Variants in CFHR4 observed in about 807,000 individuals in gnomAD.
The protein encoded by CFHR4 is complement factor H-related protein 4.
A neutral mutation model predicts 69.3 loss-of-function variants in CFHR4; 64 were observed. The observed-to-expected ratio is 0.92, with a 90% CI of 0.76 to 1.14. CFHR4 has a LOEUF of 1.14. CFHR4 is among the 50% of genes most tolerant of loss of function. The pLI is 0.00. For synonymous variants in CFHR4, 244 were observed against 237.0 expected, an observed-to-expected ratio of 1.03 and a Z score of -0.27; for missense variants, 636 against 684.9, an observed-to-expected ratio of 0.93 and a Z score of 0.80.
chr1:196,918,573 A>C lies in CFHR4; in HGVS notation c.*167A>C. The C allele has an allele frequency of 1.5e-6, 1 of 682,674 alleles. No homozygotes were observed. The highest frequency in any genetic ancestry group is 1.9e-5 in the South Asian group (1 of 53,966). The allele number at this position is 682,674 out of a possible 1,614,324, so 42.3% of individuals were successfully genotyped here. On this transcript the variant is annotated 3_prime_UTR_variant, in exon 10 of 10. Coordinates refer to ENST00000608469, the MANE Select transcript of CFHR4 (RefSeq NM_001201550.3). ...TTAATATGTTCTCAAAAATATGTTAAAACAAACTAAATTATTGCTTATGCT... is the reference window on the plus strand; with the variant it reads ...TTAATATGTTCTCAAAAATATGTTACAACAAACTAAATTATTGCTTATGCT...
chr1:196,907,467 T>C lies in CFHR4; in HGVS notation c.768T>C (p.Asn256=). 6.2e-7 allele frequency: 1 copy of C among 1,612,032 alleles called. No individual in the cohort carries two copies. Among genetic ancestry groups the C allele is most frequent in the Non-Finnish European group, 8.5e-7 (1 of 1,179,056 alleles). ...GTTCTAAATATGTAACATGTAGTAA[T>C]GGAGACTGGTCAGAACCACCAAGAT... is the stretch of plus-strand genomic sequence containing the variant. ...LQGSKYVTCS[N]GDWSEPPRCI... is the part of the protein sequence containing the mutation. Residue 256 remains asparagine, a synonymous_variant, in exon 5 of 10, where the codon AAT becomes AAC. Transcript: ENST00000608469.
At chr1:196,901,059 A>C (rs1306693237) in intron 1 of CFHR4, among the ~76,000 whole-genome samples, 1 of 151,606 alleles carries the variant, frequency 6.6e-6, no homozygotes, top group Non-Finnish European at 1.5e-5. Context: ...GATGTGTTAA[A>C]GACAAATTAT....
At chr1:196,888,377 AAT>A (rs1423504427) in intron 1 of CFHR4, among the ~76,000 whole-genome samples, 169 bp downstream of exon 1, 3 of 150,296 alleles carry the variant, frequency 2.0e-5, no homozygotes, top group African/African-American at 5.0e-5. Flanking sequence ...TTTATGAAAA[AAT>A]ATCTCATAAT....
chr1:196,902,611 C>G lies in CFHR4; in HGVS notation c.252C>G (p.Cys84Trp). The G allele has an allele frequency of 1.2e-6, 2 of 1,605,184 alleles. No homozygotes were observed. Among genetic ancestry groups the G allele is most frequent in the Non-Finnish European group, 8.5e-7 (1 of 1,173,276 alleles). Residue 84 changes from cysteine to tryptophan, a missense_variant, in exon 2 of 10, where the codon TGC becomes TGG. Physicochemically the swap from Cys to Trp is radical, Grantham distance 215. Transcript: ENST00000608469. The part of the protein sequence containing the change: ...TQDGWSPTVP[C>W]LRTCSKSDVE... ...ATGGTTGGTCACCAACGGTCCCATG[C>G]CTCAGTAAGTAAACCTCTTTACAAG...
chr1:196,916,959 T>C (rs978223468), intron 9 of CFHR4, among the ~76,000 whole-genome samples: 6 of 151,536 alleles, frequency 4.0e-5, no homozygotes, highest in African/African-American at 1.2e-4. Flanking sequence ...TGAGGAAAAC[T>C]TTCCCAGGCA....
At chr1:196,891,878 T>G (rs368286302) in intron 1 of CFHR4, among the ~76,000 whole-genome samples, 2 of 151,376 alleles carry the variant, frequency 1.3e-5, no homozygotes, top group Non-Finnish European at 2.9e-5. Context: ...ATCAATAATA[T>G]GTCTCACCTG....
At chr1:196,907,626 T>C (rs1290518698) in intron 5 of CFHR4, 128 bp downstream of exon 5, 7 of 743,288 alleles carry the variant, frequency 9.4e-6, no homozygotes, top group Non-Finnish European at 1.3e-5. Context: ...TGCTGAATAT[T>C]TGCCTTTCAG....
chr1:196,888,055 T>C lies in CFHR4; in HGVS notation c.-96T>C. 1.5e-6 allele frequency: 2 copies of C among 1,331,022 alleles called. No individual in the cohort carries two copies. The highest frequency in any genetic ancestry group is 1.2e-5 in the South Asian group (1 of 83,800). The allele number at this position is 1,331,022 out of a possible 1,614,324, so 82.5% of individuals were successfully genotyped here. A position where few individuals can be genotyped will look rare whatever the true frequency, so the allele number is the denominator to read the frequency against. On this transcript the variant is annotated 5_prime_UTR_variant, in exon 1 of 10. Coordinates refer to ENST00000608469, the MANE Select transcript of CFHR4 (RefSeq NM_001201550.3). ...CTAGCTTTGTGGTAGTGCACTTAAA[T>C]TCAGAATCACACTTGGTAACTAATA...
rs942553032 is a variant in CFHR4 at position 196,909,880 on chromosome 1, G to A, written c.800-401G>A. Among the ~76,000 whole-genome samples the A allele has an allele frequency of 3.3e-4, 50 of 150,898 alleles. 2 individuals carry two copies. Among genetic ancestry groups the A allele is most frequent in the Admixed American group, 2.5e-3 (38 of 15,132 alleles). On this transcript the variant is annotated intron_variant, in intron 5 of 9. Coordinates refer to ENST00000608469, the MANE Select transcript of CFHR4 (RefSeq NM_001201550.3). ...ATCTAAAAGAAAACCAGCCAGGCGCGGTGGCTCACACCTGTAATCCCAGGA... is the reference window on the plus strand; with the variant it reads ...ATCTAAAAGAAAACCAGCCAGGCGCAGTGGCTCACACCTGTAATCCCAGGA...
intron 1 of CFHR4, among the ~76,000 whole-genome samples, chr1:196,890,114 T>G (rs925923137): frequency 1.3e-5 from 2 of 151,532 alleles, no homozygotes; most frequent in Non-Finnish European, 2.9e-5. Flanking sequence ...TTTTTTACTC[T>G]TTACTCATGG....
chr1:196,916,016 C>A (rs1323691845), intron 9 of CFHR4, among the ~76,000 whole-genome samples: 1 of 151,500 alleles, frequency 6.6e-6, no homozygotes, highest in Admixed American at 6.6e-5. Flanking sequence ...TCCTAGCAAG[C>A]AACAAAGAAA....
At chr1:196,914,374 A>C in intron 7 of CFHR4, 121 bp from the exon 8 acceptor site, 1 of 942,128 alleles carries the variant, frequency 1.1e-6, no homozygotes, top group Non-Finnish European at 1.5e-6. Context: ...ACTATTTTTA[A>C]TAGTACTCAA....
rs114865022 is a variant in CFHR4, at chr1:196,898,214, T to C, written c.59-4204T>C. Among the ~76,000 whole-genome samples, 1,029 of 151,418 alleles carry C rather than the reference T, an allele frequency of 6.8e-3. 41 individuals are homozygous for C. Among genetic ancestry groups the C allele is most frequent in the African/African-American group, 0.024 (986 of 41,102 alleles). On this transcript the variant is annotated intron_variant, in intron 1 of 9. Coordinates refer to ENST00000608469, the MANE Select transcript of CFHR4 (RefSeq NM_001201550.3). The stretch of plus-strand genomic sequence containing the variant: ...AAACACAGAATTGAAGATTTAATCA[T>C]ATGTGAGTTTATAGATGGCTTTTAT...
Position 196,907,119 on chromosome 1 carries a change from T to A in CFHR4, c.616+82T>A. 2 of 1,240,582 alleles carry A rather than the reference T, an allele frequency of 1.6e-6. 1 individual carries two copies. The highest frequency in any genetic ancestry group is 5.1e-5 in the East Asian group (2 of 39,408). The allele number at this position is 1,240,582 out of a possible 1,614,324, so 76.8% of individuals were successfully genotyped here. A position where few individuals can be genotyped will look rare whatever the true frequency, so the allele number is the denominator to read the frequency against. On this transcript the variant is annotated intron_variant, in intron 4 of 9. Coordinates refer to ENST00000608469, the MANE Select transcript of CFHR4 (RefSeq NM_001201550.3). ...ATATGTATATGTACACATATGTGTATGAATACATATGTGTACATATACATG... is the reference window on the plus strand; with the variant it reads ...ATATGTATATGTACACATATGTGTAAGAATACATATGTGTACATATACATG...
At position 196,906,967 on chromosome 1, in the gene CFHR4, C is replaced by A; in HGVS notation, c.546C>A (p.Ser182Arg). 6.2e-7 allele frequency: 1 copy of A among 1,612,544 alleles called. No individual in the cohort carries two copies. Among genetic ancestry groups the A allele is most frequent in the Middle Eastern group, 1.7e-4 (1 of 6,058 alleles). ...LDYECYDGYESSYGNTTDSIV... is the reference protein window; with the variant it reads ...LDYECYDGYERSYGNTTDSIV... ...ATGAATGCTATGATGGATATGAAAG[C>A]AGTTATGGAAACACCACAGATTCCA... The change falls in exon 4 of 10, where the codon AGC becomes AGA. Residue 182 changes from serine (S) to arginine (R), a missense_variant. Ser to Arg is a moderately radical substitution (Grantham distance 110). Coordinates refer to ENST00000608469, the MANE Select transcript of CFHR4 (RefSeq NM_001201550.3).
intron 1 of CFHR4, among the ~76,000 whole-genome samples, chr1:196,893,696 C>A (rs1374263179): frequency 6.6e-6 from 1 of 151,236 alleles, no homozygotes; most frequent in Non-Finnish European, 1.5e-5. Context: ...AAATGATAAC[C>A]CACATTAGAT....
intron 1 of CFHR4, among the ~76,000 whole-genome samples, chr1:196,900,954 C>T (rs1462777425): frequency 1.3e-5 from 2 of 151,296 alleles, no homozygotes; most frequent in Admixed American, 6.6e-5. Context: ...TTACAACATG[C>T]AAGGATTCAA....
intron 5 of CFHR4, among the ~76,000 whole-genome samples, chr1:196,910,012 C>T (rs1321558417): frequency 3.3e-5 from 5 of 150,212 alleles, no homozygotes; most frequent in African/African-American, 7.4e-5. Flanking sequence ...ATTAGATGGG[C>T]GTGGTGGTGT....
chr1:196,904,503 A>G lies in CFHR4; in HGVS notation c.257-605A>G, dbSNP rs537365690. ...CATATACCCATTAGTAATGTATAGAACACATACATTGATAATATATAAAGA... is the reference window on the plus strand; with the variant it reads ...CATATACCCATTAGTAATGTATAGAGCACATACATTGATAATATATAAAGA... On this transcript the variant is annotated intron_variant, in intron 2 of 9. Transcript: ENST00000608469. Among the ~76,000 whole-genome samples the G allele has an allele frequency of 1.5e-4, 23 of 151,678 alleles. No homozygotes were observed. In the South Asian group the frequency reaches 3.9e-3, roughly 26 times the overall value.
Sources: allele counts gnomAD v4.1 joint callset (sites outside exome capture counted in the v4.1 genomes callset), GRCh38; gene constraint gnomAD v4.1.1; transcripts MANE v1.5; gene names NCBI Gene and HGNC (gene_info 2026-07-23, HGNC 2026-07-21).